The following PLD5 variants were observed in gnomAD, a reference collection of about 807,000 sequenced individuals.
The protein encoded by PLD5 is inactive phospholipase D5.
Under a neutral mutation model 61.1 loss-of-function variants are expected in PLD5, and 36 were observed. The observed-to-expected ratio is 0.59, with a 90% confidence interval of 0.45 to 0.78. PLD5 has a LOEUF of 0.78. Ranked by LOEUF, PLD5 falls within the 30% of genes least tolerant of loss-of-function variation. PLD5 has a pLI of 0.00. For synonymous variants in PLD5, 243 were observed against 242.8 expected (o/e 1.00, Z -0.01); for missense variants, 515 against 644.4 (o/e 0.80, Z 2.17).
At chr1:242,199,824 T>C (rs1558334975) in intron 5 of PLD5, among the ~76,000 whole-genome samples, 1 of 152,236 alleles carries the variant, frequency 6.6e-6, no homozygotes, top group Non-Finnish European at 1.5e-5. Context: ...GCTCCATCCA[T>C]GTTGCTGCAA....
intron 5 of PLD5, among the ~76,000 whole-genome samples, chr1:242,186,132 A>G (rs1190158825): frequency 6.6e-6 from 1 of 152,032 alleles, no homozygotes; most frequent in Non-Finnish European, 1.5e-5. Flanking sequence ...TACAGGCTAT[A>G]GGCACTATTC....
chr1:242,211,464 G>A (rs1202415334), intron 5 of PLD5, among the ~76,000 whole-genome samples: 1 of 152,190 alleles, frequency 6.6e-6, no homozygotes, highest in Non-Finnish European at 1.5e-5. Context: ...GGGCAGCCAG[G>A]TTAATTACCC....
intron 1 of PLD5, among the ~76,000 whole-genome samples, chr1:242,434,432 C>T (rs191397844): frequency 1.3e-5 from 2 of 152,186 alleles, no homozygotes; most frequent in African/African-American, 4.8e-5. Flanking sequence ...GTTTGATATG[C>T]CTAGCAGAGT....
At chr1:242,387,439 A>G (rs1354665679) in intron 1 of PLD5, among the ~76,000 whole-genome samples, 2 of 152,198 alleles carry the variant, frequency 1.3e-5, no homozygotes, top group Non-Finnish European at 2.9e-5. Flanking sequence ...CTGGAAGCAT[A>G]GAAGCACAGA....
chr1:242,494,878 C>CTTTCTT (rs556893161), intron 1 of PLD5, among the ~76,000 whole-genome samples: 3 of 135,890 alleles, frequency 2.2e-5, no homozygotes, highest in African/African-American at 8.4e-5. Context: ...TTTTTCTTTT[C>CTTTCTT]TGTTTTTTTT....
rs1574270578 is a variant in PLD5, at chr1:242,089,367, G to C, written c.*487C>G. ...TGTTGAAGGCTGGCATGAGATGTAA[G>C]CTATTCATGCTTAGCTGACTGTGTA... On this transcript the variant is annotated 3_prime_UTR_variant, in exon 10 of 10. Coordinates refer to ENST00000536534, the MANE Select transcript of PLD5 (RefSeq NM_001372062.1). 4.9e-6 allele frequency: 2 copies of C among 404,850 alleles called. No homozygotes were observed. Among genetic ancestry groups the C allele is most frequent in the East Asian group, 7.0e-5 (2 of 28,390 alleles). The allele number at this position is 404,850 out of a possible 1,614,324, so 25.1% of individuals were successfully genotyped here. A position where few individuals can be genotyped will look rare whatever the true frequency, so the allele number is the denominator to read the frequency against.
chr1:242,126,639 C>T (rs1435565691), intron 5 of PLD5, among the ~76,000 whole-genome samples: 1 of 152,202 alleles, frequency 6.6e-6, no homozygotes, highest in Non-Finnish European at 1.5e-5. Context: ...CCTTATCTCT[C>T]ACCTTCTACA....
chr1:242,524,044 C>T lies in PLD5; in HGVS notation c.189+44G>A, dbSNP rs1043462430. On this transcript the variant is annotated intron_variant, in intron 1 of 9. Coordinates refer to ENST00000536534, the MANE Select transcript of PLD5 (RefSeq NM_001372062.1). ...GCCACCACCACGGGGAGGGTGCATGCGGCAGGTGCCTGGCCGAGGCCCCCG... is the reference window on the plus strand; with the variant it reads ...GCCACCACCACGGGGAGGGTGCATGTGGCAGGTGCCTGGCCGAGGCCCCCG... The T allele has an allele frequency of 2.6e-6, 4 of 1,512,304 alleles. 1 individual carries two copies. The South Asian group carries it at 4.9e-5, about 19-fold the overall frequency. The allele number at this position is 1,512,304 out of a possible 1,614,324, so 93.7% of individuals were successfully genotyped here.
chr1:242,328,361 CAT>C lies in PLD5; in HGVS notation c.326+19743_326+19744del, dbSNP rs368086099. Among the ~76,000 whole-genome samples, 368 of 152,104 alleles carry C rather than the reference CAT, an allele frequency of 2.4e-3. 1 individual carries two copies. Among genetic ancestry groups the C allele is most frequent in the Middle Eastern group, 0.01 (3 of 292 alleles). ...ACGTGTGTTCTACATGTGTGTTCTACATATGTGTTCTACATGTGTTCACACGT... is the reference window on the plus strand; with the variant it reads ...ACGTGTGTTCTACATGTGTGTTCTACATGTGTTCTACATGTGTTCACACGT... On this transcript the variant is annotated intron_variant, in intron 2 of 9. Transcript: ENST00000536534.
At chr1:242,434,392 G>C (rs901804523) in intron 1 of PLD5, among the ~76,000 whole-genome samples, 1 of 152,192 alleles carries the variant, frequency 6.6e-6, no homozygotes, top group Admixed American at 6.5e-5. Context: ...GACAGGAGAG[G>C]TGATCAAGAC....
chr1:242,518,369 A>G lies in PLD5; in HGVS notation c.189+5719T>C, dbSNP rs1379516028. Among the ~76,000 whole-genome samples the G allele has an allele frequency of 2.0e-5, 3 of 152,240 alleles. No homozygotes were observed. The East Asian group carries it at 5.8e-4, about 29-fold the overall frequency. ...CTTTTAGCACATAGTCTGTGCAGGA[A>G]TGGATCTTAAGCAATTGGGTAATTT... is the stretch of plus-strand genomic sequence containing the variant. On this transcript the variant is annotated intron_variant, in intron 1 of 9. Coordinates refer to ENST00000536534, the MANE Select transcript of PLD5 (RefSeq NM_001372062.1).
intron 5 of PLD5, among the ~76,000 whole-genome samples, chr1:242,167,102 A>ATAAT (rs1666373974): frequency 6.8e-6 from 1 of 146,862 alleles, no homozygotes; most frequent in African/African-American, 2.5e-5. Context: ...AATAATAATA[A>ATAAT]TAATAATAAT....
intron 1 of PLD5, among the ~76,000 whole-genome samples, chr1:242,483,304 C>G (rs1216307632): frequency 2.0e-5 from 3 of 152,136 alleles, no homozygotes; most frequent in South Asian, 2.1e-4. Flanking sequence ...GTGCTGTATT[C>G]AGGAAACCCA....
chr1:242,415,425 G>A (rs575590110), intron 1 of PLD5, among the ~76,000 whole-genome samples: 95 of 151,820 alleles, frequency 6.3e-4, no homozygotes, highest in Non-Finnish European at 1.1e-3. Flanking sequence ...AATTCACCAT[G>A]CATTCATTGG....
chr1:242,167,831 T>C (rs538931294), intron 5 of PLD5, among the ~76,000 whole-genome samples: 1 of 152,326 alleles, frequency 6.6e-6, no homozygotes, highest in South Asian at 2.1e-4. Context: ...ACAAAATAAT[T>C]TGGCATATAT....
intron 5 of PLD5, among the ~76,000 whole-genome samples, chr1:242,135,636 T>C (rs1234700675): frequency 6.6e-6 from 1 of 152,174 alleles, no homozygotes; most frequent in African/African-American, 2.4e-5. Flanking sequence ...TTATCTTCAC[T>C]TGTAATAGGA....
intron 6 of PLD5, among the ~76,000 whole-genome samples, chr1:242,120,120 A>C (rs527955705): frequency 3.3e-5 from 5 of 152,296 alleles, no homozygotes; most frequent in African/African-American, 1.2e-4. Context: ...TATCCAGAAA[A>C]AGGCAGATTC....
rs192296946 is a variant in PLD5 at position 242,315,412 on chromosome 1, G to A, written c.327-26882C>T. On this transcript the variant is annotated intron_variant, in intron 2 of 9. Coordinates refer to ENST00000536534, the MANE Select transcript of PLD5 (RefSeq NM_001372062.1). ...TTTAGTGTGTCAACAAACATTTATT[G>A]AGTACCTACAATGATTTAAAAATTA... Among the ~76,000 whole-genome samples the A allele has an allele frequency of 2.8e-3, 430 of 152,202 alleles. 3 individuals are homozygous for A. Among genetic ancestry groups the A allele is most frequent in the Non-Finnish European group, 5.4e-3 (368 of 68,030 alleles).
intron 3 of PLD5, among the ~76,000 whole-genome samples, chr1:242,271,201 CAGAGAGAG>C (rs60075638): frequency 0.27 from 27,222 of 101,576 alleles, 4,272 homozygotes; most frequent in South Asian, 0.36. Context: ...CACACACACA[CAGAGAGAG>C]AGAGAGAGAG....
Sources: gnomAD v4.1 joint callset for allele counts (sites outside exome capture counted in the v4.1 genomes callset) on GRCh38, gnomAD v4.1.1 for gene constraint, MANE v1.5 for transcripts, NCBI Gene and HGNC (gene_info 2026-07-23, HGNC 2026-07-21) for gene names.